Variants in FGD5 observed in about 807,000 individuals in gnomAD.
FGD5 encodes FYVE, RhoGEF and PH domain containing 5.
FGD5 carries 28 observed loss-of-function variants against 133.4 expected under a neutral mutation model. The ratio of observed to expected loss-of-function variants is 0.21; its 90% CI spans 0.16 to 0.29. The LOEUF (loss-of-function observed/expected upper bound fraction) is 0.29, where lower values mean the gene tolerates loss of function less well. FGD5 is among the 10% of genes least tolerant of loss of function. The pLI, the probability that FGD5 is intolerant of heterozygous loss-of-function variation, is 1.00. For missense variants in FGD5, 1,858 were observed against 1,895.2 expected (o/e 0.98, Z 0.36); for synonymous variants, 810 against 776.5 (o/e 1.04, Z -0.72).
intron 1 of FGD5, among the ~76,000 whole-genome samples, chr3:14,823,047 A>G (rs751391707): frequency 1.3e-5 from 2 of 152,218 alleles, no homozygotes; most frequent in Non-Finnish European, 2.9e-5. Context: ...TGCCAGAGCA[A>G]AGGTAAACAC....
chr3:14,886,515 T>C (rs890325004), intron 4 of FGD5, among the ~76,000 whole-genome samples: 3 of 152,168 alleles, frequency 2.0e-5, no homozygotes, highest in Non-Finnish European at 4.4e-5. Context: ...GCAGGTGCCA[T>C]GGCCAGACCC....
intron 7 of FGD5, among the ~76,000 whole-genome samples, chr3:14,899,608 T>C (rs2038198520): frequency 6.6e-6 from 1 of 152,194 alleles, no homozygotes; most frequent in African/African-American, 2.4e-5. Context: ...CCAAGAACTA[T>C]TTATTGAGCA....
intron 13 of FGD5, chr3:14,921,510 G>C (rs1351310737): frequency 5.0e-6 from 1 of 198,566 alleles, no homozygotes; most frequent in Non-Finnish European, 1.1e-5. Context: ...ACCTTTGCCA[G>C]CTCCCACCTA....
chr3:14,924,004 A>G lies in FGD5; in HGVS notation c.3938-4A>G, dbSNP rs200516096. 1 of 1,613,924 alleles carries G rather than the reference A, an allele frequency of 6.2e-7. No homozygotes were observed. Among genetic ancestry groups the G allele is most frequent in the East Asian group, 2.2e-5 (1 of 44,866 alleles). The stretch of plus-strand genomic sequence containing the variant: ...CCCTTCCATGTGGCTTCTTTCAGTT[A>G]CAGAGCGGCCTGTGAGCATGAGCTT... On this transcript the variant is annotated splice_region_variant and splice_polypyrimidine_tract_variant and intron_variant, in intron 16 of 19. Coordinates refer to ENST00000285046, the MANE Select transcript of FGD5 (RefSeq NM_152536.4).
At chr3:14,878,442 C>T (rs900704902) in intron 2 of FGD5, among the ~76,000 whole-genome samples, 9 of 152,100 alleles carry the variant, frequency 5.9e-5, no homozygotes, top group Non-Finnish European at 1.2e-4. Flanking sequence ...TCTTCTATCC[C>T]TGGTTACTTG....
chr3:14,873,429 G>T (rs1288205785), intron 2 of FGD5, among the ~76,000 whole-genome samples: 1 of 152,196 alleles, frequency 6.6e-6, no homozygotes, highest in Non-Finnish European at 1.5e-5. Flanking sequence ...TAGTTAAGTA[G>T]AAAGGAGGAG....
intron 2 of FGD5, among the ~76,000 whole-genome samples, chr3:14,867,155 C>T (rs2037510969): frequency 6.6e-6 from 1 of 152,158 alleles, no homozygotes; most frequent in Admixed American, 6.5e-5. Flanking sequence ...GTGAAAGTCC[C>T]CTCGAACTCT....
chr3:14,919,677 A>T (rs1046228182), intron 13 of FGD5, among the ~76,000 whole-genome samples: 6 of 152,346 alleles, frequency 3.9e-5, no homozygotes, highest in Admixed American at 3.9e-4. Flanking sequence ...TAAACAACAG[A>T]AATTTCCCAC....
intron 4 of FGD5, among the ~76,000 whole-genome samples, chr3:14,892,651 C>G (rs1246055966): frequency 6.6e-6 from 1 of 152,114 alleles, no homozygotes; most frequent in African/African-American, 2.4e-5. Flanking sequence ...AACTCTGTCT[C>G]TACTAAAAAT....
At chr3:14,866,217 G>C (rs904387896) in intron 2 of FGD5, among the ~76,000 whole-genome samples, 4 of 152,162 alleles carry the variant, frequency 2.6e-5, no homozygotes, top group African/African-American at 9.7e-5. Flanking sequence ...ATCTCTGAAA[G>C]AGAGCACTAA....
intron 1 of FGD5, among the ~76,000 whole-genome samples, chr3:14,813,152 T>G (rs943203556): frequency 6.6e-6 from 1 of 152,170 alleles, no homozygotes; most frequent in Admixed American, 6.5e-5. Flanking sequence ...GCATCATGTC[T>G]GTTATTTTCC....
At chr3:14,810,788 G>A, upstream of FGD5, 3 of 983,436 alleles carry the variant, frequency 3.1e-6, no homozygotes, top group Non-Finnish European at 3.6e-6. Context: ...GCGGTGTGCG[G>A]AGTCGCACTG....
At position 14,932,625 on chromosome 3, in the gene FGD5, C is replaced by T. The variant is rs762429624; in HGVS notation, c.4246C>T (p.Pro1416Ser). 9.3e-6 allele frequency: 15 copies of T among 1,613,862 alleles called. No individual in the cohort carries two copies. The highest frequency in any genetic ancestry group is 2.2e-5 in the South Asian group (2 of 91,088). The change falls in exon 19 of 20, where the codon CCA (proline) becomes TCA (serine). Residue 1416 changes from proline to serine, a missense_variant. By Grantham distance (74) the Pro-to-Ser change is moderately conservative. Transcript: ENST00000285046. ...SMPLLGFTIAPEKEEGSSEVG... is the reference protein window; with the variant it reads ...SMPLLGFTIASEKEEGSSEVG... Reference sequence around the variant, plus strand: ...GCCTCTGCTAGGCTTCACCATTGCTCCAGAAAAGGAAGAGGGCAGCAGTGA... The same window carrying T: ...GCCTCTGCTAGGCTTCACCATTGCTTCAGAAAAGGAAGAGGGCAGCAGTGA...
chr3:14,872,890 T>C (rs1229479873), intron 2 of FGD5, among the ~76,000 whole-genome samples: 3 of 152,198 alleles, frequency 2.0e-5, no homozygotes, highest in Non-Finnish European at 4.4e-5. Context: ...GTGGCTGAGC[T>C]GCAATTGTTT....
At chr3:14,860,700 G>A (rs1026260805) in intron 1 of FGD5, among the ~76,000 whole-genome samples, 5 of 152,322 alleles carry the variant, frequency 3.3e-5, no homozygotes, top group African/African-American at 1.2e-4. Flanking sequence ...GGGTCCGGGT[G>A]TGGTGGCATA....
At chr3:14,874,348 G>A (rs1052657308) in intron 2 of FGD5, among the ~76,000 whole-genome samples, 1 of 151,906 alleles carries the variant, frequency 6.6e-6, no homozygotes, top group Non-Finnish European at 1.5e-5. Context: ...ATGAGACCTC[G>A]TCTCTACAAA....
rs540717634 is a variant in FGD5 at position 14,821,868 on chromosome 3, G to A, written c.2525+272G>A. On this transcript the variant is annotated intron_variant, in intron 1 of 19. Coordinates refer to ENST00000285046, the MANE Select transcript of FGD5 (RefSeq NM_152536.4). Reference sequence around the variant, plus strand: ...TGTAATCCCAGCACTTTGGGAGGCCGAGGCGGGCAGGTCACAAGGTCAAGA... The same window carrying A: ...TGTAATCCCAGCACTTTGGGAGGCCAAGGCGGGCAGGTCACAAGGTCAAGA... 1.1e-4 allele frequency among the ~76,000 whole-genome samples: 17 copies of A among 152,274 alleles called. No individual in the cohort carries two copies. In the South Asian group the frequency reaches 1.7e-3, roughly 15 times the overall value.
intron 4 of FGD5, among the ~76,000 whole-genome samples, chr3:14,896,492 C>A (rs1261403802): frequency 6.6e-6 from 1 of 150,798 alleles, no homozygotes; most frequent in Non-Finnish European, 1.5e-5. Flanking sequence ...TTTTTTGAGA[C>A]GGAGTTTTAT....
chr3:14,896,392 G>C (rs1214173698), intron 4 of FGD5, among the ~76,000 whole-genome samples: 1 of 151,980 alleles, frequency 6.6e-6, no homozygotes, highest in African/African-American at 2.4e-5. Context: ...AATTTACTTC[G>C]AAGTTTTAGT....
Sources: gnomAD v4.1 joint callset for allele counts (sites outside exome capture counted in the v4.1 genomes callset) on GRCh38, gnomAD v4.1.1 for gene constraint, MANE v1.5 for transcripts, NCBI Gene and HGNC (gene_info 2026-07-23, HGNC 2026-07-21) for gene names.